The following TUBA3D variants were observed in gnomAD, a reference collection of about 807,000 sequenced individuals.
TUBA3D encodes tubulin alpha-3D chain.
In TUBA3D, 24 loss-of-function variants were observed where a neutral mutation model predicts 36.1. That is an observed-to-expected ratio of 0.66 (90% CI 0.48 to 0.93). The LOEUF (loss-of-function observed/expected upper bound fraction) is 0.93. Among genes scored for constraint, TUBA3D ranks in the 40% least tolerant of loss-of-function variants. The pLI, the probability that TUBA3D is intolerant of heterozygous loss-of-function variation, is 0.00. For missense variants in TUBA3D, 356 were observed against 614.5 expected, an observed-to-expected ratio of 0.58 and a Z score of 4.45; for synonymous variants, 185 against 247.2, an observed-to-expected ratio of 0.75 and a Z score of 2.36.
intron 1 of TUBA3D, among the ~76,000 whole-genome samples, chr2:131,476,943 A>C (rs1476946146): frequency 3.5e-5 from 5 of 143,660 alleles, no homozygotes; most frequent in African/African-American, 8.7e-5. Flanking sequence ...AGACACAAAC[A>C]AAAAAAGCAG....
intron 4 of TUBA3D, among the ~76,000 whole-genome samples, chr2:131,481,710 G>C (rs1678872027): frequency 6.6e-6 from 1 of 152,142 alleles, no homozygotes; most frequent in Non-Finnish European, 1.5e-5. Context: ...CTGGATTACA[G>C]GCACGAGCCA....
Position 131,482,929 on chromosome 2 carries a change from A to C in TUBA3D, c.*81A>C. 6.4e-7 allele frequency: 1 copy of C among 1,552,938 alleles called. No homozygotes were observed. The highest frequency in any genetic ancestry group is 8.7e-7 in the Non-Finnish European group (1 of 1,148,874). On this transcript the variant is annotated 3_prime_UTR_variant, in exon 5 of 5. Coordinates refer to ENST00000321253, the MANE Select transcript of TUBA3D (RefSeq NM_080386.4). Reference sequence around the variant, plus strand: ...GTTTGCAATTAAAGGTTCTGTATAAAACCAAGCCCTCTGTGTGTCGTGCAG... The same window carrying C: ...GTTTGCAATTAAAGGTTCTGTATAACACCAAGCCCTCTGTGTGTCGTGCAG...
intron 3 of TUBA3D, 109 bp from the exon 4 acceptor site, chr2:131,479,960 T>A (rs1198929798): frequency 1.9e-5 from 27 of 1,399,200 alleles, no homozygotes; most frequent in Non-Finnish European, 2.5e-5. Context: ...TTATGGATGA[T>A]TTGAATCCAT....
chr2:131,476,797 T>C (rs1373960516), intron 1 of TUBA3D, among the ~76,000 whole-genome samples: 1 of 150,386 alleles, frequency 6.6e-6, no homozygotes, highest in Non-Finnish European at 1.5e-5. Flanking sequence ...TACCCGGGCA[T>C]GGTGATGCGA....
Position 131,482,719 on chromosome 2 carries a change from C to G in TUBA3D, c.1224C>G (p.Tyr408Ter), listed in dbSNP as rs201823217. The change falls in exon 5 of 5, where the codon TAC (tyrosine) becomes TAG (stop). Residue 408 changes from tyrosine (Y) to a stop codon, truncating the protein, a stop_gained. Transcript: ENST00000321253. LOFTEE classifies it high-confidence loss of function. ...CCAAGCGGGCCTTTGTGCACTGGTA[C>G]GTGGGCGAAGGCATGGAAGAGGGAG... Reference protein sequence around the residue: ...MYAKRAFVHWYVGEGMEEGEF... With the variant: ...MYAKRAFVHW The G allele has an allele frequency of 3.7e-6, 6 of 1,614,086 alleles. No homozygotes were observed. The highest frequency in any genetic ancestry group is 5.1e-6 in the Non-Finnish European group (6 of 1,180,028).
rs368534303 is a variant in TUBA3D at position 131,482,836 on chromosome 2, C to T, written c.1341C>T (p.Gly447=). ...CCGTGGAAGCTGAGGCTGAAGAAGG[C>T]GAAGAATACTGAGGGGAGGGTGTGG... is the stretch of plus-strand genomic sequence containing the variant. The part of the protein sequence containing the change: ...VDSVEAEAEE[G]EEY Residue 447 remains glycine, a synonymous_variant, in exon 5 of 5, where the codon GGC becomes GGT. Coordinates refer to ENST00000321253, the MANE Select transcript of TUBA3D (RefSeq NM_080386.4). 2.5e-5 allele frequency: 41 copies of T among 1,613,624 alleles called. 1 individual carries two copies. The East Asian group carries it at 3.8e-4, about 15-fold the overall frequency.
chr2:131,479,521 A>G, intron 3 of TUBA3D, 65 bp downstream of exon 3: 15 of 1,593,940 alleles, frequency 9.4e-6, no homozygotes, highest in Non-Finnish European at 1.1e-5. Flanking sequence ...GGAATGTGAA[A>G]GGGAAGTCAT....
chr2:131,480,120 G>T lies in TUBA3D; in HGVS notation c.427G>T (p.Gly143Cys). ...QGFLIFHSFG[G>C]GTGSGFASLL... ...CTTCCTCATCTTCCACAGCTTTGGG[G>T]GCGGCACTGGCTCTGGGTTCGCATC... The change falls in exon 4 of 5, where the codon GGC becomes TGC. Residue 143 changes from glycine (G) to cysteine (C), a missense_variant. This residue lies in a region of TUBA3D where 91 missense variants were observed against 240.9 expected (regional missense o/e 0.38). Transcript: ENST00000321253. 6.2e-7 allele frequency: 1 copy of T among 1,612,738 alleles called. No homozygotes were observed. The highest frequency in any genetic ancestry group is 8.5e-7 in the Non-Finnish European group (1 of 1,179,408).
rs200147665 is a variant in TUBA3D, at chr2:131,480,354, C to T, written c.661C>T (p.Arg221Cys). 89 of 1,463,970 alleles carry T rather than the reference C, an allele frequency of 6.1e-5. No homozygotes were observed. The Middle Eastern group carries it at 7.9e-4, about 13-fold the overall frequency. 90.7% of individuals were successfully genotyped at this position (1,463,970 alleles called of 1,614,324 possible). Reference protein sequence around the residue: ...DICRRNLDIERPTYTNLNRLI... With the variant: ...DICRRNLDIECPTYTNLNRLI... ...ATGTCGGCGCAACCTGGACATTGAA[C>T]GTCCCACGTACACCAACCTCAATCG... Residue 221 changes from arginine (R) to cysteine (C), a missense_variant, in exon 4 of 5, where the codon CGT becomes TGT. Arg to Cys is a radical substitution (Grantham distance 180). Transcript: ENST00000321253.
rs563625694 is a variant in TUBA3D at position 131,482,913 on chromosome 2, T to G, written c.*65T>G. ...TGGCTGCTTCCAAGTTGTTTGCAATTAAAGGTTCTGTATAAAACCAAGCCC... is the reference window on the plus strand; with the variant it reads ...TGGCTGCTTCCAAGTTGTTTGCAATGAAAGGTTCTGTATAAAACCAAGCCC... On this transcript the variant is annotated 3_prime_UTR_variant, in exon 5 of 5. Coordinates refer to ENST00000321253, the MANE Select transcript of TUBA3D (RefSeq NM_080386.4). 3.8e-6 allele frequency: 6 copies of G among 1,570,182 alleles called. No homozygotes were observed. The highest frequency in any genetic ancestry group is 2.2e-5 in the East Asian group (1 of 44,560).
Position 131,480,680 on chromosome 2 carries a change from C to T in TUBA3D, c.987C>T (p.Asn329=), listed in dbSNP as rs139606303. The change falls in exon 4 of 5, where the codon AAC becomes AAT. Residue 329 remains asparagine (N), a synonymous_variant. Transcript: ENST00000321253. The part of the protein sequence containing the change: ...YRGDVVPKDV[N]AAIATIKTKR... ...GGGACGTGGTCCCCAAAGACGTCAA[C>T]GCGGCCATCGCCACCATCAAGACCA... 50 of 1,613,814 alleles carry T rather than the reference C, an allele frequency of 3.1e-5. No individual in the cohort carries two copies. In the African/African-American group the frequency reaches 3.6e-4, roughly 12 times the overall value.
intron 1 of TUBA3D, among the ~76,000 whole-genome samples, chr2:131,477,275 T>C (rs1025110991): frequency 6.6e-6 from 1 of 151,892 alleles, no homozygotes; most frequent in African/African-American, 2.4e-5. Context: ...TCCCAAGTGA[T>C]CCTCTCACCT....
At chr2:131,476,942 C>T (rs1290798865) in intron 1 of TUBA3D, among the ~76,000 whole-genome samples, 1 of 142,732 alleles carries the variant, frequency 7.0e-6, no homozygotes, top group Non-Finnish European at 1.5e-5. Flanking sequence ...AAGACACAAA[C>T]AAAAAAAGCA....
rs1240053207 is a variant in TUBA3D, at chr2:131,480,718, A to G, written c.1025A>G (p.Gln342Arg). ...ACCATCAAGACCAAGCGCACCATCC[A>G]GTTTGTGGATTGGTGCCCGACTGGA... ...IATIKTKRTI[Q>R]FVDWCPTGFK... The change falls in exon 4 of 5, where the codon CAG becomes CGG. Residue 342 changes from glutamine to arginine, a missense_variant. Gln to Arg is a conservative substitution (Grantham distance 43). This residue lies in a region of TUBA3D where 156 missense variants were observed against 219.8 expected (regional missense o/e 0.71). Transcript: ENST00000321253. 2 of 1,611,656 alleles carry G rather than the reference A, an allele frequency of 1.2e-6. No individual in the cohort carries two copies. The highest frequency in any genetic ancestry group is 2.7e-5 in the African/African-American group (2 of 74,372).
chr2:131,478,149 T>C lies in TUBA3D; in HGVS notation c.4-15T>C, dbSNP rs1678736983. 1 of 1,606,376 alleles carries C rather than the reference T, an allele frequency of 6.2e-7. No individual in the cohort carries two copies. Among genetic ancestry groups the C allele is most frequent in the Non-Finnish European group, 8.5e-7 (1 of 1,173,964 alleles). On this transcript the variant is annotated splice_polypyrimidine_tract_variant and intron_variant, in intron 1 of 4. Transcript: ENST00000321253. Reference sequence around the variant, plus strand: ...CTTGAAATGAATGGGTTCACTTTTATGTTCCTGTTCACAGCGCGAGTGTAT... The same window carrying C: ...CTTGAAATGAATGGGTTCACTTTTACGTTCCTGTTCACAGCGCGAGTGTAT...
rs555593879 is a variant in TUBA3D, at chr2:131,480,618, C to A, written c.925C>A (p.His309Asn). The A allele has an allele frequency of 9.9e-6, 16 of 1,613,576 alleles. No homozygotes were observed. The East Asian group carries it at 3.6e-4, about 36-fold the overall frequency. Residue 309 changes from histidine (H) to asparagine (N), a missense_variant, in exon 4 of 5, where the codon CAC becomes AAC. Coordinates refer to ENST00000321253, the MANE Select transcript of TUBA3D (RefSeq NM_080386.4). ...TCAAATGGTCAAGTGTGACCCTCGCCACGGCAAGTACATGGCCTGCTGCAT... is the reference window on the plus strand; with the variant it reads ...TCAAATGGTCAAGTGTGACCCTCGCAACGGCAAGTACATGGCCTGCTGCAT... ...ANQMVKCDPR[H>N]GKYMACCMLY...
At chr2:131,477,723 G>A (rs986488744) in intron 1 of TUBA3D, among the ~76,000 whole-genome samples, 1 of 151,406 alleles carries the variant, frequency 6.6e-6, no homozygotes, top group Admixed American at 6.6e-5. Context: ...GGTAGAGAGA[G>A]GACACACACT....
intron 2 of TUBA3D, among the ~76,000 whole-genome samples, chr2:131,479,077 C>T (rs920560348): frequency 2.0e-5 from 3 of 152,232 alleles, no homozygotes; most frequent in African/African-American, 7.2e-5. Context: ...ACTGGTTGTG[C>T]TGACATTTAT....
At chr2:131,476,241 C>T (rs1678662911) in intron 1 of TUBA3D, 39 bp downstream of exon 1, 3 of 1,613,686 alleles carry the variant, frequency 1.9e-6, no homozygotes, top group Admixed American at 1.7e-5. Flanking sequence ...GATGCCCAGG[C>T]AGACGAAGTT....
Sources: gnomAD v4.1 joint callset for allele counts (sites outside exome capture counted in the v4.1 genomes callset) on GRCh38, gnomAD v4.1.1 for gene constraint, gnomAD v4.1.1 regional missense constraint, MANE v1.5 for transcripts, NCBI Gene and HGNC (gene_info 2026-07-23, HGNC 2026-07-21) for gene names.